The following ADARB2 variants were observed in gnomAD, a reference collection of about 807,000 sequenced individuals.
The protein encoded by ADARB2 is inactive double-stranded RNA-specific editase B2.
ADARB2 carries 25 observed loss-of-function variants against 62.2 expected under a neutral mutation model. The observed-to-expected ratio is 0.40, with a 90% confidence interval of 0.29 to 0.56. ADARB2 has a LOEUF of 0.56. ADARB2 is among the 20% of genes least tolerant of loss of function. ADARB2 has a pLI of 0.43. For missense variants in ADARB2, 1,071 were observed against 1,077.4 expected, an observed-to-expected ratio of 0.99 and a Z score of 0.08; for synonymous variants, 572 against 500.8, an observed-to-expected ratio of 1.14 and a Z score of -1.90.
chr10:1,264,382 T>C (rs974383940), intron 4 of ADARB2, among the ~76,000 whole-genome samples: 1 of 152,240 alleles, frequency 6.6e-6, no homozygotes, highest in African/African-American at 2.4e-5. Flanking sequence ...AAACTCCTTA[T>C]ACTCCGCTTC....
At chr10:1,491,150 C>A (rs936288037) in intron 1 of ADARB2, among the ~76,000 whole-genome samples, 1 of 152,158 alleles carries the variant, frequency 6.6e-6, no homozygotes, top group East Asian at 1.9e-4. Flanking sequence ...ATGGCTCACA[C>A]AAGCCTCAAC....
At chr10:1,520,788 G>A (rs571439283) in intron 1 of ADARB2, among the ~76,000 whole-genome samples, 2 of 152,304 alleles carry the variant, frequency 1.3e-5, no homozygotes, top group South Asian at 2.1e-4. Flanking sequence ...TTCCTGGGTG[G>A]TGGGCACTGA....
intron 1 of ADARB2, among the ~76,000 whole-genome samples, chr10:1,554,745 A>G (rs1240848268): frequency 6.6e-6 from 1 of 152,168 alleles, no homozygotes; most frequent in Non-Finnish European, 1.5e-5. Flanking sequence ...TTAAACATTT[A>G]ACTTCAACTT....
rs115909457 is a variant in ADARB2 at position 1,628,214 on chromosome 10, C to T, written c.100+108837G>A. Among the ~76,000 whole-genome samples, 430 of 152,354 alleles carry T rather than the reference C, an allele frequency of 2.8e-3. 1 individual carries two copies. The highest frequency in any genetic ancestry group is 9.4e-3 in the African/African-American group (390 of 41,576). ...CCCTGGCATGCTTAGGGGGAAAAGT[C>T]GCTTCTGTGCACATTGTCAAGGAGC... On this transcript the variant is annotated intron_variant, in intron 1 of 9. Coordinates refer to ENST00000381312, the MANE Select transcript of ADARB2 (RefSeq NM_018702.4).
At chr10:1,250,430 A>G (rs1831027641) in intron 4 of ADARB2, among the ~76,000 whole-genome samples, 1 of 152,062 alleles carries the variant, frequency 6.6e-6, no homozygotes, top group African/African-American at 2.4e-5. Flanking sequence ...CTTCAAGGAA[A>G]TGGGTTCGTT....
At chr10:1,481,298 A>C (rs1831467316) in intron 1 of ADARB2, among the ~76,000 whole-genome samples, 1 of 152,248 alleles carries the variant, frequency 6.6e-6, no homozygotes, top group Non-Finnish European at 1.5e-5. Context: ...CTGCAAAAAC[A>C]AACTCAAAAT....
chr10:1,695,025 T>C (rs1834721638), intron 1 of ADARB2, among the ~76,000 whole-genome samples: 2 of 152,144 alleles, frequency 1.3e-5, no homozygotes, highest in African/African-American at 4.8e-5. Context: ...TGAACAGGGA[T>C]GTGTGGGTCA....
chr10:1,730,396 C>A (rs10903554), intron 1 of ADARB2, among the ~76,000 whole-genome samples: 68 of 152,126 alleles, frequency 4.5e-4, no homozygotes, highest in Non-Finnish European at 8.7e-4. Flanking sequence ...CACAGTGTGG[C>A]CCTCTTCCGC....
At chr10:1,729,287 C>T (rs1416863310) in intron 1 of ADARB2, among the ~76,000 whole-genome samples, 1 of 152,024 alleles carries the variant, frequency 6.6e-6, no homozygotes, top group Non-Finnish European at 1.5e-5. Context: ...AAACAATGTC[C>T]TTTTTAATTG....
At chr10:1,385,914 G>A (rs1332868022) in intron 1 of ADARB2, among the ~76,000 whole-genome samples, 1 of 152,026 alleles carries the variant, frequency 6.6e-6, no homozygotes, top group Non-Finnish European at 1.5e-5. Context: ...TACATACAGA[G>A]CAACTGCAAT....
At chr10:1,404,702 C>T (rs769330317) in intron 1 of ADARB2, among the ~76,000 whole-genome samples, 15 of 152,274 alleles carry the variant, frequency 9.9e-5, no homozygotes, top group East Asian at 1.9e-4. Context: ...TCGCCGGCTT[C>T]GGGGCAAGTT....
intron 6 of ADARB2, among the ~76,000 whole-genome samples, chr10:1,232,704 C>T (rs1399191476): frequency 7.0e-6 from 1 of 142,360 alleles, no homozygotes; most frequent in African/African-American, 2.7e-5. Context: ...GTGGTGTGTG[C>T]AGTGTATGTG....
intron 1 of ADARB2, among the ~76,000 whole-genome samples, chr10:1,533,021 G>A (rs921821474): frequency 2.0e-5 from 3 of 152,166 alleles, no homozygotes; most frequent in Non-Finnish European, 4.4e-5. Flanking sequence ...GGTAGGGGCC[G>A]GCCTCCACCC....
At chr10:1,497,561 T>C (rs931278685) in intron 1 of ADARB2, among the ~76,000 whole-genome samples, 4 of 152,212 alleles carry the variant, frequency 2.6e-5, no homozygotes, top group Middle Eastern at 3.2e-3. Flanking sequence ...CTCCTTTCTC[T>C]TATAAATAAT....
chr10:1,296,597 G>C (rs1294650482), intron 3 of ADARB2, among the ~76,000 whole-genome samples: 1 of 152,154 alleles, frequency 6.6e-6, no homozygotes, highest in African/African-American at 2.4e-5. Context: ...AAACGTTGGG[G>C]GAGGGCAGGG....
chr10:1,404,809 A>G (rs577252301), intron 1 of ADARB2, among the ~76,000 whole-genome samples: 1 of 152,332 alleles, frequency 6.6e-6, no homozygotes, highest in African/African-American at 2.4e-5. Context: ...TGAACTCTCC[A>G]AAAGGGAGCT....
At chr10:1,450,283 A>G (rs1188108300) in intron 1 of ADARB2, among the ~76,000 whole-genome samples, 1 of 152,252 alleles carries the variant, frequency 6.6e-6, no homozygotes, top group African/African-American at 2.4e-5. Flanking sequence ...CTGTTACATA[A>G]AAGACACTAA....
chr10:1,628,152 C>T (rs971957771), intron 1 of ADARB2, among the ~76,000 whole-genome samples: 6 of 152,244 alleles, frequency 3.9e-5, no homozygotes, highest in African/African-American at 9.6e-5. Context: ...TGAGAGCAAA[C>T]GGGCGGCGAT....
intron 4 of ADARB2, among the ~76,000 whole-genome samples, chr10:1,248,720 T>G (rs1363122452): frequency 6.6e-6 from 1 of 152,224 alleles, no homozygotes; most frequent in Non-Finnish European, 1.5e-5. Context: ...TGGTGATCTC[T>G]TTTCCTATAA....
Sources: allele counts gnomAD v4.1 joint callset (sites outside exome capture counted in the v4.1 genomes callset), GRCh38; gene constraint gnomAD v4.1.1; transcripts MANE v1.5; gene names NCBI Gene and HGNC (gene_info 2026-07-23, HGNC 2026-07-21).